LRRC8D: variants seen among roughly 807,000 people sequenced by gnomAD.
LRRC8D encodes volume-regulated anion channel subunit LRRC8D.
In LRRC8D, 20 loss-of-function variants were observed where a neutral mutation model predicts 55.8. The ratio of observed to expected loss-of-function variants is 0.36; its 90% CI spans 0.25 to 0.52. LRRC8D has a LOEUF of 0.52. Among genes scored for constraint, LRRC8D ranks in the 20% least tolerant of loss-of-function variants. The pLI is 0.93. For synonymous variants in LRRC8D, 352 were observed against 377.0 expected, an observed-to-expected ratio of 0.93 and a Z score of 0.77; for missense variants, 651 against 1,030.8, an observed-to-expected ratio of 0.63 and a Z score of 5.05.
intron 2 of LRRC8D, among the ~76,000 whole-genome samples, chr1:89,877,232 CTT>C (rs367807464): frequency 6.2e-5 from 9 of 144,238 alleles, no homozygotes; most frequent in African/African-American, 7.8e-5. Context: ...CTCTCTCTCT[CTT>C]TTTTTTTTTT....
chr1:89,831,307 G>A (rs571436938), intron 1 of LRRC8D, among the ~76,000 whole-genome samples: 3 of 152,214 alleles, frequency 2.0e-5, no homozygotes, highest in Non-Finnish European at 2.9e-5. Flanking sequence ...AAAGCAACCC[G>A]CAAGCCCCGT....
rs370429602 is a variant in LRRC8D at position 89,855,119 on chromosome 1, A to G, written c.-3+11337A>G. Among the ~76,000 whole-genome samples the G allele has an allele frequency of 6.6e-4, 100 of 152,202 alleles. No homozygotes were observed. In the South Asian group the frequency reaches 0.019, roughly 29 times the overall value. ...GGCTCATTTCTCACTCTTTGTTAAA[A>G]GTGTAGTATTGTAGAAGAGAATCGA... On this transcript the variant is annotated intron_variant, in intron 2 of 2. Coordinates refer to ENST00000337338, the MANE Select transcript of LRRC8D (RefSeq NM_001134479.2).
At chr1:89,901,421 C>T in intron 2 of LRRC8D, among the ~76,000 whole-genome samples, 1 of 152,238 alleles carries the variant, frequency 6.6e-6, no homozygotes, top group East Asian at 1.9e-4. Context: ...GAAGTTCTCT[C>T]TAGATTTAAC....
chr1:89,934,697 C>T lies in LRRC8D; in HGVS notation c.1629C>T (p.His543=), dbSNP rs76944859. 2.7e-5 allele frequency: 43 copies of T among 1,614,180 alleles called. No individual in the cohort carries two copies. The highest frequency in any genetic ancestry group is 8.9e-5 in the East Asian group (4 of 44,890). Residue 543 remains histidine, a synonymous_variant, in exon 3 of 3, where the codon CAC becomes CAT. Transcript: ENST00000337338. The surrounding 1 kb of genome is among the most constrained non-coding windows in gnomAD (Gnocchi z 5.9). ...TTCGCGATCACTTGAGATGCCTTCA[C>T]GTGAAGTTCACTGATGTGGCTGAAA... The part of the protein sequence containing the change: ...SFLRDHLRCL[H]VKFTDVAEIP...
chr1:89,858,672 G>T (rs1570828933), intron 2 of LRRC8D, among the ~76,000 whole-genome samples: 1 of 16,166 alleles, frequency 6.2e-5, no homozygotes, highest in African/African-American at 1.6e-4. Flanking sequence ...TTTTAATTTT[G>T]GACTTTTTTT....
chr1:89,884,955 G>A (rs1662376185), intron 2 of LRRC8D, among the ~76,000 whole-genome samples: 1 of 152,088 alleles, frequency 6.6e-6, no homozygotes, highest in Non-Finnish European at 1.5e-5. Flanking sequence ...CATGCTTGAT[G>A]TTGCCTCCAG....
intron 2 of LRRC8D, among the ~76,000 whole-genome samples, chr1:89,866,067 T>C (rs1474006730): frequency 5.3e-5 from 8 of 152,362 alleles, no homozygotes; most frequent in South Asian, 2.1e-4. Flanking sequence ...TACCTGCATG[T>C]GTAGCACATA....
intron 1 of LRRC8D, among the ~76,000 whole-genome samples, chr1:89,839,264 C>T (rs1661076062): frequency 6.6e-6 from 1 of 152,092 alleles, no homozygotes; most frequent in Non-Finnish European, 1.5e-5. Context: ...AGGGTTTGTC[C>T]TATGTAATGT....
intron 2 of LRRC8D, among the ~76,000 whole-genome samples, chr1:89,856,983 C>A (rs1661571388): frequency 6.6e-6 from 1 of 151,932 alleles, no homozygotes; most frequent in Non-Finnish European, 1.5e-5. Context: ...AGTGATTACC[C>A]TAGAGTTTAT....
intron 2 of LRRC8D, among the ~76,000 whole-genome samples, chr1:89,860,677 G>T (rs1309537854): frequency 7.3e-6 from 1 of 137,770 alleles, no homozygotes; most frequent in African/African-American, 2.8e-5. Flanking sequence ...AGAATCACTT[G>T]AACCTGGGAG....
rs528280781 is a variant in LRRC8D, at chr1:89,918,591, C to G, written c.-2-14476C>G. On this transcript the variant is annotated intron_variant, in intron 2 of 2. Coordinates refer to ENST00000337338, the MANE Select transcript of LRRC8D (RefSeq NM_001134479.2). ...AAAATGGTGTTTGTTTGCCACTGCC[C>G]CAGAGATGATACTGGCTTATCACCT... Among the ~76,000 whole-genome samples, 7 of 152,268 alleles carry G rather than the reference C, an allele frequency of 4.6e-5. No individual in the cohort carries two copies. The South Asian group carries it at 1.2e-3, about 27-fold the overall frequency.
chr1:89,821,338 G>C (rs954761835), intron 1 of LRRC8D, 47 bp downstream of exon 1: 3 of 152,132 alleles, frequency 2.0e-5, no homozygotes, highest in African/African-American at 4.8e-5. Flanking sequence ...GCGAGGGAAG[G>C]CGACGCGCAG....
chr1:89,830,373 G>A (rs1282206030), intron 1 of LRRC8D, among the ~76,000 whole-genome samples: 2 of 152,206 alleles, frequency 1.3e-5, no homozygotes. Context: ...AGATGCACTT[G>A]TTCTTTAACT....
chr1:89,889,132 A>G (rs961505252), intron 2 of LRRC8D, among the ~76,000 whole-genome samples: 1 of 152,170 alleles, frequency 6.6e-6, no homozygotes, highest in South Asian at 2.1e-4. Context: ...GCTAGTGTTT[A>G]TGCTTGATAT....
chr1:89,934,318 C>T lies in LRRC8D; in HGVS notation c.1250C>T (p.Ala417Val). ...ATTCCAGATGTCAAAAACGATTTTG[C>T]GTTCCTTCTTCACATGGTAGACCAG... is the stretch of plus-strand genomic sequence containing the variant. ...SDIPDVKNDF[A>V]FLLHMVDQYD... Residue 417 changes from alanine to valine, a missense_variant, in exon 3 of 3, where the codon GCG becomes GTG. This residue lies in a region of LRRC8D where 178 missense variants were observed against 374.9 expected (regional missense o/e 0.47). Transcript: ENST00000337338. The surrounding 1 kb of genome is among the most constrained non-coding windows in gnomAD (Gnocchi z 5.9). The T allele has an allele frequency of 6.2e-7, 1 of 1,613,748 alleles. No homozygotes were observed. Among genetic ancestry groups the T allele is most frequent in the Non-Finnish European group, 8.5e-7 (1 of 1,179,762 alleles).
At chr1:89,832,026 C>G (rs115867306) in intron 1 of LRRC8D, among the ~76,000 whole-genome samples, 1 of 152,134 alleles carries the variant, frequency 6.6e-6, no homozygotes. Context: ...AGCAGGGCTG[C>G]GTCTGCGCTG....
chr1:89,836,192 T>G (rs1661001937), intron 1 of LRRC8D, among the ~76,000 whole-genome samples: 2 of 152,192 alleles, frequency 1.3e-5, no homozygotes, highest in Non-Finnish European at 2.9e-5. Flanking sequence ...TTTCAAATGT[T>G]TCAGAGCTCT....
intron 2 of LRRC8D, among the ~76,000 whole-genome samples, chr1:89,902,410 T>G (rs1662881964): frequency 6.6e-6 from 1 of 152,202 alleles, no homozygotes; most frequent in Admixed American, 6.5e-5. Context: ...TGTCTTCATA[T>G]CTCTTCTGAA....
At position 89,897,104 on chromosome 1, in the gene LRRC8D, A is replaced by G. The variant is rs116250669; in HGVS notation, c.-2-35963A>G. On this transcript the variant is annotated intron_variant, in intron 2 of 2. Coordinates refer to ENST00000337338, the MANE Select transcript of LRRC8D (RefSeq NM_001134479.2). ...GGGGCAGAAGGAAATCCAAAGGAAG[A>G]GAAGTATGCAGATGTGTTCAGATAC... is the stretch of plus-strand genomic sequence containing the variant. 2.7e-3 allele frequency among the ~76,000 whole-genome samples: 404 copies of G among 152,360 alleles called. 3 individuals carry two copies. The highest frequency in any genetic ancestry group is 9.5e-3 in the African/African-American group (395 of 41,584).
Sources: gnomAD v4.1 joint callset for allele counts (sites outside exome capture counted in the v4.1 genomes callset) on GRCh38, gnomAD v4.1.1 for gene constraint, gnomAD v4.1.1 regional missense constraint, Gnocchi (gnomAD v3.1) non-coding constraint, MANE v1.5 for transcripts, NCBI Gene and HGNC (gene_info 2026-07-23, HGNC 2026-07-21) for gene names.